The following CHST9 variants were observed in gnomAD, a reference collection of about 807,000 sequenced individuals.
The protein encoded by CHST9 is carbohydrate sulfotransferase 9, also known as GalNAc-4-sulfotransferase 2.
A neutral mutation model predicts 44.4 loss-of-function variants in CHST9; 41 were observed. That is an observed-to-expected ratio of 0.92 (90% CI 0.72 to 1.20). The LOEUF is 1.20. Ranked by LOEUF, CHST9 falls within the 50% of genes most tolerant of loss-of-function variation. CHST9 has a pLI of 0.00. For synonymous variants in CHST9, 171 were observed against 178.4 expected (o/e 0.96, Z 0.33); for missense variants, 504 against 516.5 (o/e 0.98, Z 0.23).
rs114703389 is a variant in CHST9, at chr18:26,967,873, G to C, written c.203-23507C>G. 2.5e-3 allele frequency among the ~76,000 whole-genome samples: 376 copies of C among 152,318 alleles called. 2 individuals carry two copies. The highest frequency in any genetic ancestry group is 8.7e-3 in the African/African-American group (361 of 41,566). On this transcript the variant is annotated intron_variant, in intron 4 of 5. Coordinates refer to ENST00000618847, the MANE Select transcript of CHST9 (RefSeq NM_031422.6). ...AAAAGCAGGCAGAAGAAGGTGGAAA[G>C]ACTAGACTGGCTAAGTTTTCTGGCC...
At chr18:27,019,689 C>CAAAAAAAAAAAAA (rs60043018) in intron 4 of CHST9, among the ~76,000 whole-genome samples, 3 of 91,298 alleles carry the variant, frequency 3.3e-5, no homozygotes, top group Non-Finnish European at 4.2e-5. Context: ...CACTACATGG[C>CAAAAAAAAAAAAA]AAAAAAAAAA....
At chr18:27,035,878 AAC>A (rs374522563) in intron 3 of CHST9, among the ~76,000 whole-genome samples, 1 of 152,068 alleles carries the variant, frequency 6.6e-6, no homozygotes, top group Non-Finnish European at 1.5e-5. Context: ...AAGTGTTCTC[AAC>A]ACACACACAT....
chr18:26,957,031 C>T (rs1367824339), intron 4 of CHST9, among the ~76,000 whole-genome samples: 1 of 152,224 alleles, frequency 6.6e-6, no homozygotes, highest in Non-Finnish European at 1.5e-5. Flanking sequence ...CATCAATGAG[C>T]TTCTAAAGTC....
At chr18:27,048,406 A>C in intron 3 of CHST9, 59 bp downstream of exon 3, 3 of 1,390,952 alleles carry the variant, frequency 2.2e-6, no homozygotes, top group Non-Finnish European at 3.0e-6. Context: ...ATTTTAAAAA[A>C]TTTAAAGGTG....
intron 2 of CHST9, among the ~76,000 whole-genome samples, chr18:27,124,464 C>A (rs1470807821): frequency 6.6e-6 from 1 of 152,218 alleles, no homozygotes; most frequent in African/African-American, 2.4e-5. Context: ...CCTGCTTTTA[C>A]AAGCTCAATC....
intron 4 of CHST9, among the ~76,000 whole-genome samples, chr18:26,963,512 A>T (rs1238892125): frequency 3.9e-5 from 6 of 152,018 alleles, no homozygotes; most frequent in Admixed American, 2.0e-4. Flanking sequence ...AAATGGAAAA[A>T]CTTCACAGAG....
intron 1 of CHST9, among the ~76,000 whole-genome samples, chr18:27,158,643 T>C (rs2058717945): frequency 6.6e-6 from 1 of 152,100 alleles, no homozygotes; most frequent in Non-Finnish European, 1.5e-5. Flanking sequence ...CTGGGTCAAA[T>C]GGTATTTCTA....
In CHST9 at chr18:26,912,973, G is replaced by C. The variant is rs1210285697; in HGVS notation, c.*3286C>G. 1 of 152,130 alleles carries C rather than the reference G, an allele frequency of 6.6e-6. No homozygotes were observed. The highest frequency in any genetic ancestry group is 2.4e-5 in the African/African-American group (1 of 41,412). The allele number at this position is 152,130 out of a possible 1,614,324, so 9.4% of individuals were successfully genotyped here. ...CTGGGCAAAACATCTGCTTCACCAC[G>C]CCCCATGAAGGCCTAGAGGCTGGGA... On this transcript the variant is annotated 3_prime_UTR_variant, in exon 6 of 6. Transcript: ENST00000618847.
At chr18:27,075,147 G>C (rs543532866) in intron 2 of CHST9, among the ~76,000 whole-genome samples, 1 of 146,356 alleles carries the variant, frequency 6.8e-6, no homozygotes, top group Non-Finnish European at 1.5e-5. Flanking sequence ...GGTTTTGGGG[G>C]TTGCTTTTTT....
chr18:27,042,484 G>A (rs1407684463), intron 3 of CHST9, among the ~76,000 whole-genome samples: 1 of 152,068 alleles, frequency 6.6e-6, no homozygotes, highest in Non-Finnish European at 1.5e-5. Flanking sequence ...GAAGAGAGGA[G>A]CACAATCAGT....
At chr18:26,969,535 G>T (rs60742277) in intron 4 of CHST9, among the ~76,000 whole-genome samples, 44,717 of 151,902 alleles carry the variant, frequency 0.29, 7,759 homozygotes, top group African/African-American at 0.49. Flanking sequence ...CTTGAAAACC[G>T]ACCGGGCTAG....
chr18:26,979,534 T>A (rs1330677846), intron 4 of CHST9, among the ~76,000 whole-genome samples: 1 of 152,156 alleles, frequency 6.6e-6, no homozygotes, highest in African/African-American at 2.4e-5. Context: ...CTTTGGTAGC[T>A]CCCCATGTTT....
chr18:27,042,681 T>C (rs1043124312), intron 3 of CHST9, among the ~76,000 whole-genome samples: 1 of 152,036 alleles, frequency 6.6e-6, no homozygotes, highest in Non-Finnish European at 1.5e-5. Context: ...AAGGCTCAAA[T>C]AGAAGATACT....
At chr18:27,086,955 T>A (rs951260066) in intron 2 of CHST9, among the ~76,000 whole-genome samples, 4 of 151,974 alleles carry the variant, frequency 2.6e-5, no homozygotes, top group African/African-American at 7.3e-5. Context: ...TAAAAAAAAA[T>A]AAATGAAACA....
intron 2 of CHST9, among the ~76,000 whole-genome samples, chr18:27,062,288 T>C (rs1204008499): frequency 6.6e-6 from 1 of 152,114 alleles, no homozygotes; most frequent in Non-Finnish European, 1.5e-5. Context: ...ATTAGGTATA[T>C]CTCCTAATGC....
Position 26,995,437 on chromosome 18 carries a change from CAAAAAAAAAAAA to C in CHST9, c.202+28667_202+28678del, listed in dbSNP as rs11284514. On this transcript the variant is annotated intron_variant, in intron 4 of 5. Coordinates refer to ENST00000618847, the MANE Select transcript of CHST9 (RefSeq NM_031422.6). ...CGGGTGACAGAGCGAGACTCCGTCTCAAAAAAAAAAAAAAAAAAAAGATTACTGCAGCCTTGA... is the reference window on the plus strand; with the variant it reads ...CGGGTGACAGAGCGAGACTCCGTCTCAAAAAAAAGATTACTGCAGCCTTGA... Among the ~76,000 whole-genome samples, 41 of 102,648 alleles carry C rather than the reference CAAAAAAAAAAAA, an allele frequency of 4.0e-4. 1 individual carries two copies. Among genetic ancestry groups the C allele is most frequent in the Admixed American group, 2.2e-3 (23 of 10,546 alleles). 67.3% of individuals were successfully genotyped at this position (102,648 alleles called of 152,430 possible).
chr18:26,939,952 G>C (rs1335866875), intron 5 of CHST9, among the ~76,000 whole-genome samples: 1 of 152,162 alleles, frequency 6.6e-6, no homozygotes, highest in Non-Finnish European at 1.5e-5. Flanking sequence ...TCCCCAAGCA[G>C]AGGGGAAGGT....
chr18:26,988,069 AT>A lies in CHST9; in HGVS notation c.202+36046del, dbSNP rs1433903727. On this transcript the variant is annotated intron_variant, in intron 4 of 5. Transcript: ENST00000618847. ...TACCCTAAAAGAATGACCAAAAAAA[AT>A]AACCTAACAAAAGAAATAAAATTGA... Among the ~76,000 whole-genome samples the A allele has an allele frequency of 7.2e-5, 11 of 152,344 alleles. No homozygotes were observed. In the South Asian group the frequency reaches 1.9e-3, roughly 26 times the overall value.
intron 3 of CHST9, among the ~76,000 whole-genome samples, chr18:27,040,431 G>C (rs2057432644): frequency 6.6e-6 from 1 of 152,128 alleles, no homozygotes; most frequent in South Asian, 2.1e-4. Flanking sequence ...TCACTCAGCT[G>C]CTTCTGAAAG....
Sources: gnomAD v4.1 joint callset for allele counts (sites outside exome capture counted in the v4.1 genomes callset) on GRCh38, gnomAD v4.1.1 for gene constraint, MANE v1.5 for transcripts, NCBI Gene and HGNC (gene_info 2026-07-23, HGNC 2026-07-21) for gene names.